Variants in RALGAPB observed in about 807,000 individuals in gnomAD.
The protein encoded by RALGAPB is ral GTPase-activating protein subunit beta.
RALGAPB carries 25 observed loss-of-function variants against 161.1 expected under a neutral mutation model. The ratio of observed to expected loss-of-function variants is 0.16; its 90% CI spans 0.11 to 0.22. The LOEUF is 0.22. Among genes scored for constraint, RALGAPB ranks in the 10% least tolerant of loss-of-function variants. The pLI, the probability that RALGAPB is intolerant of heterozygous loss-of-function variation, is 1.00. For missense variants in RALGAPB, 1,391 were observed against 1,815.2 expected (o/e 0.77, Z 4.25); for synonymous variants, 629 against 626.1 (o/e 1.00, Z -0.07).
At chr20:38,567,822 A>AT (rs2088065109) in intron 26 of RALGAPB, among the ~76,000 whole-genome samples, 1 of 152,214 alleles carries the variant, frequency 6.6e-6, no homozygotes, top group South Asian at 2.1e-4. Flanking sequence ...GTGTTCCTCC[A>AT]TTGTACAGGA....
rs766582680 is a variant in RALGAPB, at chr20:38,525,392, AT to A, written c.1788-6del. On this transcript the variant is annotated splice_polypyrimidine_tract_variant and intron_variant, in intron 11 of 29. Coordinates refer to ENST00000262879, the MANE Select transcript of RALGAPB (RefSeq NM_020336.4). ...AGTTCAAAAATACTAATAGCTTTTT[AT>A]TTTTTGGCAGAGAACTCTCAAAATT... 2.5e-5 allele frequency: 39 copies of A among 1,553,730 alleles called. No homozygotes were observed. Among genetic ancestry groups the A allele is most frequent in the Non-Finnish European group, 3.4e-5 (39 of 1,139,904 alleles).
chr20:38,523,606 C>T (rs2123130454), intron 10 of RALGAPB, among the ~76,000 whole-genome samples: 1 of 152,238 alleles, frequency 6.6e-6, no homozygotes, highest in East Asian at 1.9e-4. Flanking sequence ...CACAGAAGTA[C>T]CATAATAATC....
In RALGAPB at chr20:38,525,399, G is replaced by A; in HGVS notation, c.1788-5G>A. 1 of 1,557,650 alleles carries A rather than the reference G, an allele frequency of 6.4e-7. No individual in the cohort carries two copies. Among genetic ancestry groups the A allele is most frequent in the Non-Finnish European group, 8.7e-7 (1 of 1,143,768 alleles). Reference sequence around the variant, plus strand: ...AAATACTAATAGCTTTTTATTTTTTGGCAGAGAACTCTCAAAATTCAAAAG... The same window carrying A: ...AAATACTAATAGCTTTTTATTTTTTAGCAGAGAACTCTCAAAATTCAAAAG... On this transcript the variant is annotated splice_region_variant and splice_polypyrimidine_tract_variant and intron_variant, in intron 11 of 29. Coordinates refer to ENST00000262879, the MANE Select transcript of RALGAPB (RefSeq NM_020336.4).
At position 38,575,915 on chromosome 20, in the gene RALGAPB, T is replaced by C. The variant is rs1029702343; in HGVS notation, c.*948T>C. ...CAGTAGTTTGTGAAGGATTCTAATA[T>C]GGGGTTCAGGAATAGCCTCTCAACG... On this transcript the variant is annotated 3_prime_UTR_variant, in exon 30 of 30. Transcript: ENST00000262879. 6.6e-6 allele frequency: 1 copy of C among 152,582 alleles called. No individual in the cohort carries two copies. Among genetic ancestry groups the C allele is most frequent in the Non-Finnish European group, 1.5e-5 (1 of 68,046 alleles). 9.5% of individuals were successfully genotyped at this position (152,582 alleles called of 1,614,324 possible).
At chr20:38,503,964 G>T (rs531045431) in intron 5 of RALGAPB, among the ~76,000 whole-genome samples, 1 of 152,268 alleles carries the variant, frequency 6.6e-6, no homozygotes, top group South Asian at 2.1e-4. Flanking sequence ...CATGTTCATG[G>T]ATTAGAAGAA....
At chr20:38,546,627 G>A in intron 19 of RALGAPB, 197 bp downstream of exon 19, 1 of 626,184 alleles carries the variant, frequency 1.6e-6, no homozygotes, top group Non-Finnish European at 2.7e-6. Flanking sequence ...TCTTTTAAAG[G>A]CTCTTGATGT....
intron 10 of RALGAPB, among the ~76,000 whole-genome samples, chr20:38,521,955 C>T: frequency 6.6e-6 from 1 of 152,110 alleles, no homozygotes; most frequent in East Asian, 1.9e-4. Context: ...TTCGAAGGAC[C>T]ACAATTATTT....
rs1436664402 is a variant in RALGAPB, at chr20:38,546,341, C to G, written c.2813C>G (p.Pro938Arg). The change falls in exon 19 of 30, where the codon CCA (proline) becomes CGA (arginine). Residue 938 changes from proline (P) to arginine (R), a missense_variant. By Grantham distance (103) the Pro-to-Arg change is moderately radical. Transcript: ENST00000262879. ...ETTLIKYSRLPTINKHSFRYF... is the reference protein window; with the variant it reads ...ETTLIKYSRLRTINKHSFRYF... ...ACTTTGATTAAATACTCCAGGCTGC[C>G]AACCATAAACAAGCATAGTTTCCGG... is the stretch of plus-strand genomic sequence containing the variant. The G allele has an allele frequency of 6.2e-7, 1 of 1,614,120 alleles. No homozygotes were observed.
intron 6 of RALGAPB, among the ~76,000 whole-genome samples, chr20:38,514,855 C>G (rs1350176208): frequency 6.6e-6 from 1 of 152,198 alleles, no homozygotes; most frequent in Non-Finnish European, 1.5e-5. Flanking sequence ...GCATTGGGAA[C>G]TGCAGGAATG....
intron 26 of RALGAPB, 85 bp from the exon 27 acceptor site, chr20:38,569,803 C>G: frequency 2.0e-6 from 2 of 988,518 alleles, no homozygotes; most frequent in South Asian, 1.4e-5. Context: ...AGCACCTTGA[C>G]AAATGAATGA....
chr20:38,520,236 G>A (rs2086247948), intron 9 of RALGAPB: 1 of 861,824 alleles, frequency 1.2e-6, no homozygotes, highest in African/African-American at 1.8e-5. Flanking sequence ...CTATTATCTT[G>A]CAGCATCTTT....
chr20:38,561,098 C>T (rs561113959), intron 23 of RALGAPB, among the ~76,000 whole-genome samples: 4 of 152,086 alleles, frequency 2.6e-5, no homozygotes, highest in East Asian at 3.9e-4. Flanking sequence ...GGCCGAGGCG[C>T]GCGGATCACG....
At chr20:38,473,682 A>G (rs2084718311) in intron 1 of RALGAPB, among the ~76,000 whole-genome samples, 10 of 152,172 alleles carry the variant, frequency 6.6e-5, no homozygotes, top group Admixed American at 6.5e-4. Flanking sequence ...TTTGAACCGG[A>G]GCATCCGACC....
intron 16 of RALGAPB, among the ~76,000 whole-genome samples, chr20:38,539,469 A>T (rs1001438861): frequency 5.9e-5 from 9 of 152,200 alleles, no homozygotes; most frequent in Non-Finnish European, 1.2e-4. Context: ...TTAGGGGTTT[A>T]AAAATGTGCC....
At chr20:38,548,552 GA>G (rs1173361872) in intron 19 of RALGAPB, 136 bp from the exon 20 acceptor site, 2 of 678,642 alleles carry the variant, frequency 2.9e-6, no homozygotes, top group African/African-American at 3.6e-5. Context: ...AGAAACCACA[GA>G]AGTGGTACAC....
intron 3 of RALGAPB, among the ~76,000 whole-genome samples, chr20:38,496,302 C>T (rs575598122): frequency 6.6e-5 from 10 of 152,132 alleles, no homozygotes; most frequent in African/African-American, 2.4e-4. Flanking sequence ...GAGAATCTCT[C>T]TTCTAAGGTT....
intron 1 of RALGAPB, among the ~76,000 whole-genome samples, chr20:38,479,753 G>A (rs985326595): frequency 1.3e-5 from 2 of 152,116 alleles, no homozygotes; most frequent in African/African-American, 4.8e-5. Flanking sequence ...TAATATAGCA[G>A]TTGAAGTCCT....
At chr20:38,551,688 T>TA (rs1408699875) in intron 21 of RALGAPB, among the ~76,000 whole-genome samples, 1 of 152,178 alleles carries the variant, frequency 6.6e-6, no homozygotes. Context: ...GACAAAGAGA[T>TA]ATCAGTGCCA....
intron 25 of RALGAPB, 124 bp downstream of exon 25, chr20:38,565,602 TA>T (rs1463047875): frequency 8.2e-7 from 1 of 1,217,852 alleles, no homozygotes; most frequent in Non-Finnish European, 1.1e-6. Flanking sequence ...TAAGGCATTA[TA>T]ACAATATGCA....
Sources: gnomAD v4.1 joint callset for allele counts (sites outside exome capture counted in the v4.1 genomes callset) on GRCh38, gnomAD v4.1.1 for gene constraint, MANE v1.5 for transcripts, NCBI Gene and HGNC (gene_info 2026-07-23, HGNC 2026-07-21) for gene names.